The following SLC25A21 variants were observed in gnomAD, a reference collection of about 807,000 sequenced individuals.
The protein encoded by SLC25A21 is solute carrier family 25 member 21.
A neutral mutation model predicts 43.8 loss-of-function variants in SLC25A21; 47 were observed. That is an observed-to-expected ratio of 1.07 (90% CI 0.85 to 1.37). The LOEUF (loss-of-function observed/expected upper bound fraction) is 1.37, where lower values mean the gene tolerates loss of function less well. Among genes scored for constraint, SLC25A21 ranks in the 40% most tolerant of loss-of-function variants. The probability of loss-of-function intolerance (pLI) is 0.00; values close to 1 mark genes in which losing one functional copy is unlikely to be tolerated. For missense variants in SLC25A21, 352 were observed against 350.2 expected (o/e 1.00, Z -0.04); for synonymous variants, 131 against 121.3 (o/e 1.08, Z -0.52).
chr14:37,070,420 A>G (rs1425941216), intron 1 of SLC25A21, among the ~76,000 whole-genome samples: 1 of 152,206 alleles, frequency 6.6e-6, no homozygotes, highest in Non-Finnish European at 1.5e-5. Flanking sequence ...ACTTCTGCAA[A>G]TGCCCTAAGT....
At chr14:37,103,042 C>T (rs139661785) in intron 1 of SLC25A21, among the ~76,000 whole-genome samples, 1 of 151,642 alleles carries the variant, frequency 6.6e-6, no homozygotes, top group Non-Finnish European at 1.5e-5. Flanking sequence ...TAATAAATAT[C>T]GTATCAATCC....
In SLC25A21 at chr14:36,684,838, C is replaced by A; in HGVS notation, c.691G>T (p.Ala231Ser). The A allele has an allele frequency of 6.2e-7, 1 of 1,614,020 alleles. No homozygotes were observed. Among genetic ancestry groups the A allele is most frequent in the South Asian group, 1.1e-5 (1 of 91,070 alleles). Residue 231 changes from alanine to serine, a missense_variant, in exon 8 of 10, where the codon GCC (alanine) becomes TCC (serine). By Grantham distance (99) the Ala-to-Ser change is moderately conservative. Coordinates refer to ENST00000331299, the MANE Select transcript of SLC25A21 (RefSeq NM_030631.4). ...ASVINIPFDVAKSRIQGPQPV... is the reference protein window; with the variant it reads ...ASVINIPFDVSKSRIQGPQPV... ...TGAGGCCCTTGAATCCTACTTTTGGCAACATCAAAAGGGATGTTAATGACT... is the reference window on the plus strand; with the variant it reads ...TGAGGCCCTTGAATCCTACTTTTGGAAACATCAAAAGGGATGTTAATGACT...
At chr14:36,769,241 G>A (rs960106012) in intron 3 of SLC25A21, among the ~76,000 whole-genome samples, 12 of 152,156 alleles carry the variant, frequency 7.9e-5, no homozygotes, top group East Asian at 1.9e-4. Flanking sequence ...GTTTTCTATC[G>A]TGGTGCTTTT....
intron 1 of SLC25A21, among the ~76,000 whole-genome samples, chr14:37,057,846 A>C (rs1422442086): frequency 6.6e-6 from 1 of 152,256 alleles, no homozygotes; most frequent in Non-Finnish European, 1.5e-5. Flanking sequence ...GATCTAGAAC[A>C]CTAACATCTT....
intron 1 of SLC25A21, among the ~76,000 whole-genome samples, chr14:36,969,188 G>T (rs574498220): frequency 6.6e-6 from 1 of 152,218 alleles, no homozygotes; most frequent in South Asian, 2.1e-4. Context: ...AAAAATTAAT[G>T]AAATAAATAA....
chr14:37,164,597 T>C (rs1964001175), intron 1 of SLC25A21, among the ~76,000 whole-genome samples: 3 of 152,178 alleles, frequency 2.0e-5, no homozygotes. Context: ...AGCCCTTTTA[T>C]TACGTAGTTC....
chr14:37,107,780 A>G (rs1225101677), intron 1 of SLC25A21, among the ~76,000 whole-genome samples: 3 of 152,168 alleles, frequency 2.0e-5, no homozygotes. Flanking sequence ...TCCCTCTCCT[A>G]TACCTATTAC....
At chr14:36,707,508 C>T (rs7156682) in intron 7 of SLC25A21, among the ~76,000 whole-genome samples, 7,770 of 152,190 alleles carry the variant, frequency 0.051, 654 homozygotes, top group African/African-American at 0.18. Flanking sequence ...GTGCCTAGAT[C>T]ATTAAATCGG....
At chr14:36,946,927 C>T (rs766870445) in intron 1 of SLC25A21, among the ~76,000 whole-genome samples, 25 of 152,128 alleles carry the variant, frequency 1.6e-4, no homozygotes, top group South Asian at 6.2e-4. Context: ...TTCAGTCTGT[C>T]TTGTAGCAGT....
intron 2 of SLC25A21, among the ~76,000 whole-genome samples, chr14:36,820,421 T>G (rs745579102): frequency 6.6e-6 from 1 of 152,160 alleles, no homozygotes; most frequent in Admixed American, 6.6e-5. Context: ...GTGCCACTTT[T>G]TCCCCCTTCA....
chr14:37,164,043 G>C (rs1014085031), intron 1 of SLC25A21, among the ~76,000 whole-genome samples: 42 of 152,154 alleles, frequency 2.8e-4, no homozygotes, highest in African/African-American at 1.0e-3. Flanking sequence ...GGAAGGGCTG[G>C]TTTAACCACA....
Position 36,728,232 on chromosome 14 carries a change from C to T in SLC25A21, c.330+1275G>A, listed in dbSNP as rs114113643. Among the ~76,000 whole-genome samples the T allele has an allele frequency of 2.3e-3, 357 of 152,236 alleles. 1 individual carries two copies. The highest frequency in any genetic ancestry group is 8.2e-3 in the African/African-American group (340 of 41,542). On this transcript the variant is annotated intron_variant, in intron 5 of 9. Transcript: ENST00000331299. ...AAATGAGTTCAAGAAAAGAGAAGAA[C>T]CGTACACAGTTGGCATGCATTTGGT...
At chr14:37,017,936 TCA>T (rs1470445689) in intron 1 of SLC25A21, among the ~76,000 whole-genome samples, 2 of 152,006 alleles carry the variant, frequency 1.3e-5, no homozygotes, top group African/African-American at 4.8e-5. Flanking sequence ...GCAATCCCTT[TCA>T]TGTACCTAAA....
chr14:36,738,256 ATAT>A (rs964463451), intron 3 of SLC25A21, among the ~76,000 whole-genome samples: 2 of 152,220 alleles, frequency 1.3e-5, no homozygotes, highest in Non-Finnish European at 2.9e-5. Flanking sequence ...CCAACGCAAA[ATAT>A]TATATGCAGC....
At chr14:37,106,934 TCCC>T (rs1186896849) in intron 1 of SLC25A21, among the ~76,000 whole-genome samples, 1 of 152,140 alleles carries the variant, frequency 6.6e-6, no homozygotes, top group Admixed American at 6.6e-5. Flanking sequence ...GGGGGCGGGT[TCCC>T]CCGATAGTTT....
At chr14:36,973,874 A>T (rs999126469) in intron 1 of SLC25A21, among the ~76,000 whole-genome samples, 1 of 152,218 alleles carries the variant, frequency 6.6e-6, no homozygotes, top group Admixed American at 6.5e-5. Flanking sequence ...AGGCAGAATG[A>T]GAAGTAAGTG....
rs532050791 is a variant in SLC25A21, at chr14:36,978,734, C to G, written c.71-103730G>C. Among the ~76,000 whole-genome samples, 5 of 152,142 alleles carry G rather than the reference C, an allele frequency of 3.3e-5. 1 individual carries two copies. The South Asian group carries it at 1.0e-3, about 32-fold the overall frequency. Reference sequence around the variant, plus strand: ...AGGATTTTGTTTTGCATATTGTATACCATTTAGACTTGGTTACTCTCAAGT... The same window carrying G: ...AGGATTTTGTTTTGCATATTGTATAGCATTTAGACTTGGTTACTCTCAAGT... On this transcript the variant is annotated intron_variant, in intron 1 of 9. Coordinates refer to ENST00000331299, the MANE Select transcript of SLC25A21 (RefSeq NM_030631.4).
intron 1 of SLC25A21, among the ~76,000 whole-genome samples, chr14:36,924,656 C>T (rs1010018505): frequency 7.5e-4 from 113 of 151,626 alleles, no homozygotes; most frequent in African/African-American, 1.5e-3. Context: ...GCACATGTAC[C>T]CTAGAACTTA....
At chr14:36,950,221 T>C (rs1892774615) in intron 1 of SLC25A21, among the ~76,000 whole-genome samples, 2 of 152,210 alleles carry the variant, frequency 1.3e-5, no homozygotes, top group African/African-American at 4.8e-5. Flanking sequence ...CATGATTTTG[T>C]TCATTATTTA....
Sources: gnomAD v4.1 joint callset for allele counts (sites outside exome capture counted in the v4.1 genomes callset) on GRCh38, gnomAD v4.1.1 for gene constraint, MANE v1.5 for transcripts, NCBI Gene and HGNC (gene_info 2026-07-23, HGNC 2026-07-21) for gene names.